Variants in MYH8 observed in about 807,000 individuals in gnomAD.
The protein encoded by MYH8 is myosin-8.
MYH8 carries 168 observed loss-of-function variants against 233.2 expected under a neutral mutation model. The observed-to-expected ratio is 0.72, with a 90% CI of 0.64 to 0.82. The LOEUF (loss-of-function observed/expected upper bound fraction) is 0.82. MYH8 is among the 40% of genes least tolerant of loss of function. The pLI is 0.00. For missense variants in MYH8, 1,995 were observed against 2,327.8 expected, an observed-to-expected ratio of 0.86 and a Z score of 2.94; for synonymous variants, 785 against 850.6, an observed-to-expected ratio of 0.92 and a Z score of 1.34.
At chr17:10,408,938 T>A (rs1364465881) in intron 17 of MYH8, among the ~76,000 whole-genome samples, 159 bp downstream of exon 17, 1 of 152,244 alleles carries the variant, frequency 6.6e-6, no homozygotes, top group African/African-American at 2.4e-5. Context: ...AAAGCATCCG[T>A]TCCTACAGGA....
At position 10,401,097 on chromosome 17, in the gene MYH8, G is replaced by A. The variant is rs1297364390; in HGVS notation, c.3203C>T (p.Ser1068Phe). The change falls in exon 25 of 40, where the codon TCC becomes TTC. Residue 1068 changes from serine (S) to phenylalanine (F), a missense_variant. Physicochemically the swap from Ser to Phe is radical, Grantham distance 155 (BLOSUM62 -2). This residue lies in a region of MYH8 where 1,498 missense variants were observed against 1,680.9 expected (regional missense o/e 0.89). Coordinates refer to ENST00000403437, the MANE Select transcript of MYH8 (RefSeq NM_002472.3). ...LEGDLKLAQE[S>F]TMDMENDKQQ... ...TTTGTCATTTTCCATATCCATTGTG[G>A]ATTCTTGGGCCAATTTGAGGTCACC... is the stretch of plus-strand genomic sequence containing the variant. 2 of 1,614,082 alleles carry A rather than the reference G, an allele frequency of 1.2e-6. No homozygotes were observed. The highest frequency in any genetic ancestry group is 1.1e-5 in the South Asian group (1 of 91,076).
At chr17:10,404,231 A>G (rs951389919) in intron 22 of MYH8, 99 bp downstream of exon 22, 4 of 1,486,142 alleles carry the variant, frequency 2.7e-6, no homozygotes, top group Non-Finnish European at 3.7e-6. Context: ...CAGCAACTTG[A>G]GATTTTTTTT....
chr17:10,413,018 A>G (rs1372103545), intron 12 of MYH8, among the ~76,000 whole-genome samples: 1 of 152,220 alleles, frequency 6.6e-6, no homozygotes, highest in African/African-American at 2.4e-5. Flanking sequence ...TAAAAGCCAT[A>G]GTCCCTGTTT....
rs939905106 is a variant in MYH8, at chr17:10,418,673, A to C, written c.483T>G (p.Ser161=). 5.6e-6 allele frequency: 9 copies of C among 1,613,814 alleles called. No individual in the cohort carries two copies. The highest frequency in any genetic ancestry group is 5.1e-6 in the Non-Finnish European group (6 of 1,179,868). The part of the protein sequence containing the change: ...QEAPPHIFSI[S]DNAYQFMLTD... ...TCAACATGAACTGATAGGCATTGTC[A>C]GAGATGGAGAAGATGTGGGGCGGGG... is the stretch of plus-strand genomic sequence containing the variant. The change falls in exon 5 of 40, where the codon TCT becomes TCG. Residue 161 remains serine, a synonymous_variant. Transcript: ENST00000403437.
chr17:10,420,693 A>G (rs2072331121), intron 2 of MYH8, among the ~76,000 whole-genome samples: 1 of 152,244 alleles, frequency 6.6e-6, no homozygotes, highest in Non-Finnish European at 1.5e-5. Context: ...CAAAGCTATC[A>G]AAAAATCTTT....
rs150717297 is a variant in MYH8 at position 10,400,904 on chromosome 17, C to A, written c.3310G>T (p.Glu1104Ter). ...TTGATCTTCTTCTGTAGTTGAATTT[C>A]TACAGCTTGCTCATCTTCAATTTTG... ...ISKIEDEQAV[E>*]IQLQKKIKEL... The change falls in exon 26 of 40, where the codon GAA becomes TAA. Residue 1104 changes from glutamate (E) to a stop codon, truncating the protein, a stop_gained. Coordinates refer to ENST00000403437, the MANE Select transcript of MYH8 (RefSeq NM_002472.3). LOFTEE classifies it high-confidence loss of function. The surrounding 1 kb of genome is among the most constrained non-coding windows in gnomAD (Gnocchi z 4.0). The A allele has an allele frequency of 8.7e-6, 14 of 1,613,684 alleles. No individual in the cohort carries two copies. The highest frequency in any genetic ancestry group is 1.2e-5 in the Non-Finnish European group (14 of 1,180,042).
rs910632618 is a variant in MYH8, at chr17:10,421,944, T to A, written c.-89A>T. On this transcript the variant is annotated 5_prime_UTR_variant, in exon 1 of 40. Transcript: ENST00000403437. The stretch of plus-strand genomic sequence containing the variant: ...TCATCACTTACCTCTGGGTTCTTGG[T>A]GGAAATAAGGCACAAGGGGCAGTCC... 1.3e-5 allele frequency: 2 copies of A among 152,054 alleles called. No homozygotes were observed. The highest frequency in any genetic ancestry group is 2.4e-5 in the African/African-American group (1 of 41,384). 9.4% of individuals were successfully genotyped at this position (152,054 alleles called of 1,614,324 possible). A position where few individuals can be genotyped will look rare whatever the true frequency, so the allele number is the denominator to read the frequency against.
rs1222198520 is a variant in MYH8, at chr17:10,406,029, A to G, written c.2432+12T>C. 1 of 1,613,332 alleles carries G rather than the reference A, an allele frequency of 6.2e-7. No homozygotes were observed. Among genetic ancestry groups the G allele is most frequent in the South Asian group, 1.1e-5 (1 of 91,066 alleles). On this transcript the variant is annotated intron_variant, in intron 21 of 39. Coordinates refer to ENST00000403437, the MANE Select transcript of MYH8 (RefSeq NM_002472.3). ...GGGACCTTATAATTCTGATATTCTGAATGATTGTTACCTCCTTTGCAACAT... is the reference window on the plus strand; with the variant it reads ...GGGACCTTATAATTCTGATATTCTGGATGATTGTTACCTCCTTTGCAACAT...
chr17:10,411,898 T>C (rs1035121827), intron 14 of MYH8, among the ~76,000 whole-genome samples: 8 of 152,170 alleles, frequency 5.3e-5, no homozygotes, highest in African/African-American at 1.9e-4. Flanking sequence ...TAAAATAGTT[T>C]ATGTAAGACA....
At position 10,404,554 on chromosome 17, in the gene MYH8, G is replaced by A. The variant is rs1257110531; in HGVS notation, c.2464C>T (p.Arg822Cys). ...CAGTGCTTGACGTTCATGAAGGCAC[G>A]GACATTATACTGGATGCAGAAAAGT... ...EALFCIQYNV[R>C]AFMNVKHWPW... is the part of the protein sequence containing the mutation. Residue 822 changes from arginine to cysteine, a missense_variant, in exon 22 of 40, where the codon CGT (arginine) becomes TGT (cysteine). Arg to Cys is a radical substitution (Grantham distance 180, BLOSUM62 -3). Transcript: ENST00000403437. 4.3e-6 allele frequency: 7 copies of A among 1,613,774 alleles called. No homozygotes were observed. The highest frequency in any genetic ancestry group is 5.1e-6 in the Non-Finnish European group (6 of 1,179,808).
In MYH8 at chr17:10,406,793, C is replaced by T. The variant is rs760438917; in HGVS notation, c.2068G>A (p.Glu690Lys). Residue 690 changes from glutamate (E) to lysine (K), a missense_variant, in exon 19 of 40, where the codon GAA becomes AAA. This residue lies in a region of MYH8 where 1,498 missense variants were observed against 1,680.9 expected (regional missense o/e 0.89). Transcript: ENST00000403437. ...CACCTCAGCTGGTGCAACACAAGTTCATGTTCCATTGCCCCTAAAAATATA... is the reference window on the plus strand; with the variant it reads ...CACCTCAGCTGGTGCAACACAAGTTTATGTTCCATTGCCCCTAAAAATATA... ...ETKTPGAMEH[E>K]LVLHQLRCNG... 6.2e-7 allele frequency: 1 copy of T among 1,614,132 alleles called. No homozygotes were observed. The highest frequency in any genetic ancestry group is 1.1e-5 in the South Asian group (1 of 91,080).
At chr17:10,402,648 C>CAT (rs1327419655) in intron 22 of MYH8, among the ~76,000 whole-genome samples, 1 of 151,936 alleles carries the variant, frequency 6.6e-6, no homozygotes, top group Non-Finnish European at 1.5e-5. Flanking sequence ...CACACACACA[C>CAT]TCTCCTAAAT....
In MYH8 at chr17:10,399,527, GAGA is replaced by G; in HGVS notation, c.3862+13_3862+15del. On this transcript the variant is annotated intron_variant, in intron 28 of 39. Transcript: ENST00000403437. ...ATTTAGTCCATGGTGTTGGGACCCAGAGAAGATGTCTTTACCCGCTTCTGTCTG... is the reference window on the plus strand; with the variant it reads ...ATTTAGTCCATGGTGTTGGGACCCAGAGATGTCTTTACCCGCTTCTGTCTG... The G allele has an allele frequency of 6.2e-7, 1 of 1,612,852 alleles. No individual in the cohort carries two copies. The highest frequency in any genetic ancestry group is 8.5e-7 in the Non-Finnish European group (1 of 1,179,950).
chr17:10,393,724 A>AG (rs1330475173), intron 35 of MYH8, among the ~76,000 whole-genome samples: 1 of 152,166 alleles, frequency 6.6e-6, no homozygotes, highest in African/African-American at 2.4e-5. Flanking sequence ...GAAAATGTTT[A>AG]GGGGCAGATA....
Position 10,396,622 on chromosome 17 carries a change from C to T in MYH8, c.4459G>A (p.Val1487Met). 1 of 1,614,216 alleles carries T rather than the reference C, an allele frequency of 6.2e-7. No individual in the cohort carries two copies. Among genetic ancestry groups the T allele is most frequent in the Non-Finnish European group, 8.5e-7 (1 of 1,180,042 alleles). Reference protein sequence around the residue: ...SRSLSTELFKVKNVYEESLDQ... With the variant: ...SRSLSTELFKMKNVYEESLDQ... ...AGGGATTCCTCATAGACATTCTTCA[C>T]CTTGAACAGCTCAGTGCTAAGAGAA... The change falls in exon 32 of 40, where the codon GTG becomes ATG. Residue 1487 changes from valine (V) to methionine (M), a missense_variant. Physicochemically the swap from Val to Met is conservative, Grantham distance 21. Around this residue, in one of 3 missense-constraint regions of MYH8, gnomAD observed 1,498 missense variants for 1,680.9 expected, o/e 0.89. Coordinates refer to ENST00000403437, the MANE Select transcript of MYH8 (RefSeq NM_002472.3). This position sits in a 1 kb window ranked among gnomAD's most constrained non-coding sequence, Gnocchi z 4.2.
At chr17:10,402,092 C>A (rs553337060) in intron 22 of MYH8, among the ~76,000 whole-genome samples, 1 of 152,086 alleles carries the variant, frequency 6.6e-6, no homozygotes, top group African/African-American at 2.4e-5. Context: ...GTTCTTGTCC[C>A]AATATTGTTT....
chr17:10,406,663 T>C (rs543591479), intron 19 of MYH8, 27 bp downstream of exon 19: 1 of 1,576,930 alleles, frequency 6.3e-7, no homozygotes, highest in Admixed American at 1.7e-5. Context: ...TTCACAGTGT[T>C]AATGAAATAC....
rs775327508 is a variant in MYH8 at position 10,420,061 on chromosome 17, C to G, written c.167G>C (p.Ser56Thr). ...KESYVKSTIQ[S>T]KEGGKVTVKT... Reference sequence around the variant, plus strand: ...TACGGTTACTTTCCCTCCTTCTTTGCTTTGTATAGTGCTCTTCACATAGGA... The same window carrying G: ...TACGGTTACTTTCCCTCCTTCTTTGGTTTGTATAGTGCTCTTCACATAGGA... The change falls in exon 3 of 40, where the codon AGC (serine) becomes ACC (threonine). Residue 56 changes from serine to threonine, a missense_variant. Ser to Thr is a moderately conservative substitution (Grantham distance 58). This residue lies in a region of MYH8 where 479 missense variants were observed against 600.9 expected (regional missense o/e 0.80). Transcript: ENST00000403437. 4.3e-6 allele frequency: 7 copies of G among 1,614,238 alleles called. No homozygotes were observed. The Admixed American group carries it at 1.0e-4, about 23-fold the overall frequency.
In MYH8 at chr17:10,399,558, G is replaced by A; in HGVS notation, c.3847C>T (p.Leu1283=). The A allele has an allele frequency of 6.2e-7, 1 of 1,613,630 alleles. No individual in the cohort carries two copies. Among genetic ancestry groups the A allele is most frequent in the East Asian group, 2.2e-5 (1 of 44,876 alleles). ...INDLTAQRAR[L]QTEAGEYSRQ... is the part of the protein sequence containing the mutation. ...ATGTCTTTACCCGCTTCTGTCTGCA[G>A]GCGCGCTCTCTGTGCTGTGAGGTCA... The change falls in exon 28 of 40, where the codon CTG becomes TTG. Residue 1283 remains leucine (L), a synonymous_variant. Coordinates refer to ENST00000403437, the MANE Select transcript of MYH8 (RefSeq NM_002472.3).
Sources: gnomAD v4.1 joint callset for allele counts (sites outside exome capture counted in the v4.1 genomes callset) on GRCh38, gnomAD v4.1.1 for gene constraint, gnomAD v4.1.1 regional missense constraint, Gnocchi (gnomAD v3.1) non-coding constraint, MANE v1.5 for transcripts, NCBI Gene and HGNC (gene_info 2026-07-23, HGNC 2026-07-21) for gene names.